The following IL1RAPL1 variants were observed in gnomAD, a reference collection of about 807,000 sequenced individuals.
IL1RAPL1 encodes the protein interleukin-1 receptor accessory protein-like 1.
IL1RAPL1 carries 3 observed loss-of-function variants against 48.4 expected under a neutral mutation model. That is an observed-to-expected ratio of 0.06 (90% CI 0.03 to 0.16). The LOEUF (loss-of-function observed/expected upper bound fraction) is 0.16. IL1RAPL1 is among the 10% of genes least tolerant of loss of function. The pLI is 1.00. For missense variants in IL1RAPL1, 349 were observed against 530.6 expected, an observed-to-expected ratio of 0.66 and a Z score of 3.36; for synonymous variants, 185 against 187.7, an observed-to-expected ratio of 0.99 and a Z score of 0.12.
At chrX:29,168,159 A>G (rs1035216469) in intron 2 of IL1RAPL1, among the ~76,000 whole-genome samples, 35 of 110,418 alleles carry the variant, frequency 3.2e-4, no homozygotes, top group African/African-American at 1.1e-3. Flanking sequence ...ATATACACCA[A>G]TTTAGACATT....
intron 2 of IL1RAPL1, among the ~76,000 whole-genome samples, chrX:28,804,922 A>C (rs1381058986): frequency 9.0e-6 from 1 of 111,347 alleles, no homozygotes. Context: ...AGTACAGAAT[A>C]AGTGATGAGG....
chrX:29,729,806 C>T (rs957118486), intron 6 of IL1RAPL1, among the ~76,000 whole-genome samples: 1 of 111,757 alleles, frequency 8.9e-6, no homozygotes, highest in Non-Finnish European at 1.9e-5. Context: ...GGCAGATATG[C>T]TCCCCAGACA....
chrX:29,124,975 T>A (rs957340590), intron 2 of IL1RAPL1, among the ~76,000 whole-genome samples: 3 of 112,119 alleles, frequency 2.7e-5, no homozygotes, highest in Admixed American at 9.5e-5. Context: ...ACGACTAATG[T>A]CATATATACA....
At chrX:28,825,152 G>T (rs1936979648) in intron 2 of IL1RAPL1, among the ~76,000 whole-genome samples, 1 of 111,649 alleles carries the variant, frequency 9.0e-6, no homozygotes, top group African/African-American at 3.2e-5. Context: ...CTCCTTAATG[G>T]TATTAAAAAT....
intron 2 of IL1RAPL1, chrX:28,942,413 C>T (rs1166213526): frequency 9.2e-6 from 1 of 108,955 alleles, no homozygotes; most frequent in Non-Finnish European, 1.9e-5. Context: ...GGGTCATTTT[C>T]TTCCTAAACT....
At chrX:29,761,499 G>T (rs1315703580) in intron 6 of IL1RAPL1, among the ~76,000 whole-genome samples, 1 of 111,489 alleles carries the variant, frequency 9.0e-6, no homozygotes, top group Non-Finnish European at 1.9e-5. Flanking sequence ...TATTTTTATT[G>T]AATCTAAAAA....
intron 5 of IL1RAPL1, among the ~76,000 whole-genome samples, chrX:29,570,114 A>G (rs1362811370): frequency 1.8e-5 from 2 of 112,243 alleles, no homozygotes; most frequent in Middle Eastern, 4.2e-3. Flanking sequence ...TTCTTAATAA[A>G]AGATAAATTA....
chrX:29,871,147 G>A (rs1045544727), intron 6 of IL1RAPL1, among the ~76,000 whole-genome samples: 4 of 111,712 alleles, frequency 3.6e-5, no homozygotes, highest in Non-Finnish European at 7.5e-5. Flanking sequence ...TAATCTCTCT[G>A]GCCCTTTTTT....
intron 6 of IL1RAPL1, among the ~76,000 whole-genome samples, chrX:29,771,897 G>T (rs1259628140): frequency 9.0e-6 from 1 of 111,340 alleles, no homozygotes; most frequent in East Asian, 2.8e-4. Flanking sequence ...AGGCAAGGAG[G>T]AGCAAGAGGA....
At chrX:29,840,106 A>G (rs1042320156) in intron 6 of IL1RAPL1, among the ~76,000 whole-genome samples, 1 of 111,860 alleles carries the variant, frequency 8.9e-6, no homozygotes, top group African/African-American at 3.3e-5. Context: ...AAATTTCCAA[A>G]GTGTCGATTA....
rs1934925764 is a variant in IL1RAPL1, at chrX:29,471,839, A to G, written c.703+72531A>G. 2.7e-5 allele frequency among the ~76,000 whole-genome samples: 3 copies of G among 111,383 alleles called. 1 individual carries two copies. The Admixed American group carries it at 2.9e-4, about 11-fold the overall frequency. On this transcript the variant is annotated intron_variant, in intron 5 of 10. Transcript: ENST00000378993. Reference sequence around the variant, plus strand: ...TTGCGTCTGGTTTCTTTCACTTATCATCAGGATTTCATGGCTCATCCATGA... The same window carrying G: ...TTGCGTCTGGTTTCTTTCACTTATCGTCAGGATTTCATGGCTCATCCATGA...
chrX:29,915,352 G>A (rs1245996958), intron 6 of IL1RAPL1, among the ~76,000 whole-genome samples: 1 of 111,731 alleles, frequency 9.0e-6, no homozygotes. Context: ...TGGAGAACAT[G>A]CAGACATAAG....
intron 5 of IL1RAPL1, among the ~76,000 whole-genome samples, chrX:29,519,190 T>G (rs1481502429): frequency 1.8e-5 from 2 of 111,713 alleles, no homozygotes; most frequent in East Asian, 5.6e-4. Context: ...TTGAATCCCA[T>G]GTAGCCATTA....
intron 8 of IL1RAPL1, among the ~76,000 whole-genome samples, chrX:29,925,599 G>A (rs1183333566): frequency 1.9e-5 from 2 of 107,311 alleles, no homozygotes; most frequent in African/African-American, 6.8e-5. Context: ...GTGCAGTGGT[G>A]TAATCATGGC....
intron 2 of IL1RAPL1, among the ~76,000 whole-genome samples, chrX:28,959,811 C>T (rs755705238): frequency 8.9e-6 from 1 of 111,821 alleles, no homozygotes; most frequent in Non-Finnish European, 1.9e-5. Flanking sequence ...TGATTTTCTG[C>T]AGTACTAAAT....
intron 1 of IL1RAPL1, among the ~76,000 whole-genome samples, chrX:28,676,677 G>T (rs1413961228): frequency 4.6e-5 from 5 of 108,891 alleles, no homozygotes; most frequent in Non-Finnish European, 9.5e-5. Context: ...AGGTTGCAGT[G>T]AGTCAAGATT....
chrX:29,711,001 A>G (rs745538219), intron 6 of IL1RAPL1, among the ~76,000 whole-genome samples: 28 of 97,086 alleles, frequency 2.9e-4, no homozygotes, highest in African/African-American at 9.6e-4. Flanking sequence ...GAGAATCATC[A>G]CCTTTATCTT....
chrX:28,892,609 C>A (rs1047520790), intron 2 of IL1RAPL1, among the ~76,000 whole-genome samples: 13 of 110,767 alleles, frequency 1.2e-4, no homozygotes, highest in Non-Finnish European at 2.1e-4. Flanking sequence ...AAAAATAAAA[C>A]AAAACAGTGT....
At chrX:29,429,894 GGTGTGT>G (rs1556011349) in intron 5 of IL1RAPL1, among the ~76,000 whole-genome samples, 11 of 85,103 alleles carry the variant, frequency 1.3e-4, no homozygotes, top group East Asian at 3.9e-4. Flanking sequence ...GTGTGTGTGT[GGTGTGT>G]GTGTGTGTGT....
Sources: gnomAD v4.1 joint callset for allele counts (sites outside exome capture counted in the v4.1 genomes callset) on GRCh38, gnomAD v4.1.1 for gene constraint, MANE v1.5 for transcripts, NCBI Gene and HGNC (gene_info 2026-07-23, HGNC 2026-07-21) for gene names.